ABHD6: variants seen among roughly 807,000 people sequenced by gnomAD.
ABHD6 encodes monoacylglycerol lipase ABHD6.
Under a neutral mutation model 38.8 loss-of-function variants are expected in ABHD6, and 33 were observed. The observed-to-expected ratio is 0.85, with a 90% CI of 0.64 to 1.14. ABHD6 has a LOEUF of 1.14. ABHD6 is among the 50% of genes most tolerant of loss of function. The pLI is 0.00. For missense variants in ABHD6, 380 were observed against 422.6 expected, an observed-to-expected ratio of 0.90 and a Z score of 0.88; for synonymous variants, 147 against 161.6, an observed-to-expected ratio of 0.91 and a Z score of 0.69.
rs553868380 is a variant in ABHD6 at position 58,247,608 on chromosome 3, G to A, written c.-90-2270G>A. ...GTTTGTTTGTTTTTGAGAGAGTCTC[G>A]CTCTGTCACCCAGGCTGGAGTACAA... On this transcript the variant is annotated intron_variant, in intron 1 of 9. Transcript: ENST00000478253. 4.0e-5 allele frequency among the ~76,000 whole-genome samples: 6 copies of A among 151,864 alleles called. No homozygotes were observed. In the South Asian group the frequency reaches 6.3e-4, roughly 16 times the overall value.
rs2097446906 is a variant in ABHD6 at position 58,273,988 on chromosome 3, A to G, written c.524-670A>G. ...AGTTTTGCCCTCTTGCATACATAGC[A>G]TCAGCTTCTGTGGACTCTCGTGTCG... is the stretch of plus-strand genomic sequence containing the variant. On this transcript the variant is annotated intron_variant, in intron 6 of 9. Transcript: ENST00000478253. This position sits in a 1 kb window ranked among gnomAD's most constrained non-coding sequence, Gnocchi z 4.8. 6.6e-6 allele frequency among the ~76,000 whole-genome samples: 1 copy of G among 152,218 alleles called. No homozygotes were observed. The highest frequency in any genetic ancestry group is 2.4e-5 in the African/African-American group (1 of 41,460).
intron 1 of ABHD6, among the ~76,000 whole-genome samples, chr3:58,247,747 G>GT: frequency 6.6e-6 from 1 of 152,242 alleles, no homozygotes; most frequent in East Asian, 1.9e-4. Context: ...GCTAATTTTT[G>GT]TATTTTTAGT....
At chr3:58,280,424 T>C (rs763835773) in intron 7 of ABHD6, among the ~76,000 whole-genome samples, 3 of 152,256 alleles carry the variant, frequency 2.0e-5, no homozygotes, top group Non-Finnish European at 2.9e-5. Context: ...TCTCGTGCCA[T>C]GGTTTTCAGC....
rs1387213739 is a variant in ABHD6 at position 58,267,730 on chromosome 3, C to A, written c.276+385C>A. On this transcript the variant is annotated intron_variant, in intron 4 of 9. Coordinates refer to ENST00000478253, the MANE Select transcript of ABHD6 (RefSeq NM_001320126.2). The surrounding 1 kb of genome is among the most constrained non-coding windows in gnomAD (Gnocchi z 4.3). ...TTCCACTAGGACATGATGTCATCAACAATGGTAGAAAGCAAAGGGAACTCA... is the reference window on the plus strand; with the variant it reads ...TTCCACTAGGACATGATGTCATCAAAAATGGTAGAAAGCAAAGGGAACTCA... 6.6e-6 allele frequency among the ~76,000 whole-genome samples: 1 copy of A among 151,996 alleles called. No individual in the cohort carries two copies. Among genetic ancestry groups the A allele is most frequent in the East Asian group, 1.9e-4 (1 of 5,180 alleles).
chr3:58,269,669 C>A lies in ABHD6; in HGVS notation c.390+235C>A, dbSNP rs1160984998. 6.6e-6 allele frequency among the ~76,000 whole-genome samples: 1 copy of A among 152,240 alleles called. No individual in the cohort carries two copies. The highest frequency in any genetic ancestry group is 2.4e-5 in the African/African-American group (1 of 41,458). On this transcript the variant is annotated intron_variant, in intron 5 of 9. Coordinates refer to ENST00000478253, the MANE Select transcript of ABHD6 (RefSeq NM_001320126.2). This position sits in a 1 kb window ranked among gnomAD's most constrained non-coding sequence, Gnocchi z 4.4. ...GCAGTTGTTTGTAACGAAATACAAT[C>A]TGAGCATTTTCTCAACTCTTTGAAA...
intron 7 of ABHD6, among the ~76,000 whole-genome samples, chr3:58,284,767 TAAGTG>T (rs940730942): frequency 1.3e-5 from 2 of 152,072 alleles, no homozygotes; most frequent in Non-Finnish European, 2.9e-5. Flanking sequence ...GATTATGTCT[TAAGTG>T]AAGCAGAGAA....
intron 1 of ABHD6, among the ~76,000 whole-genome samples, chr3:58,243,819 C>G (rs2097424472): frequency 6.6e-6 from 1 of 151,926 alleles, no homozygotes; most frequent in African/African-American, 2.4e-5. Context: ...TGCCACCACG[C>G]CTGCCTAATT....
chr3:58,272,397 T>A (rs567670853), intron 6 of ABHD6, among the ~76,000 whole-genome samples: 2 of 152,340 alleles, frequency 1.3e-5, no homozygotes, highest in Non-Finnish European at 2.9e-5. Flanking sequence ...TTCCTCTGTA[T>A]GATTCAACTA....
chr3:58,254,558 A>G (rs1381734397), intron 2 of ABHD6, among the ~76,000 whole-genome samples: 2 of 152,200 alleles, frequency 1.3e-5, no homozygotes, highest in African/African-American at 2.4e-5. Context: ...ATTAAGTATC[A>G]GTCGATAGAG....
intron 2 of ABHD6, among the ~76,000 whole-genome samples, chr3:58,254,090 A>T (rs2097431670): frequency 6.6e-6 from 1 of 152,218 alleles, no homozygotes; most frequent in African/African-American, 2.4e-5. Context: ...TGAAAAAAAT[A>T]AAAAATAGAC....
intron 7 of ABHD6, among the ~76,000 whole-genome samples, chr3:58,279,459 T>C (rs2097451289): frequency 6.6e-6 from 1 of 152,134 alleles, no homozygotes; most frequent in African/African-American, 2.4e-5. Context: ...TAGTAGATCT[T>C]CCCCCATCCC....
At position 58,269,251 on chromosome 3, in the gene ABHD6, A is replaced by G. The variant is rs1270807805; in HGVS notation, c.277-70A>G. The G allele has an allele frequency of 1.1e-5, 13 of 1,213,934 alleles. No individual in the cohort carries two copies. Among genetic ancestry groups the G allele is most frequent in the African/African-American group, 4.5e-5 (3 of 67,084 alleles). The allele number at this position is 1,213,934 out of a possible 1,614,324, so 75.2% of individuals were successfully genotyped here. On this transcript the variant is annotated intron_variant, in intron 4 of 9. Coordinates refer to ENST00000478253, the MANE Select transcript of ABHD6 (RefSeq NM_001320126.2). This position sits in a 1 kb window ranked among gnomAD's most constrained non-coding sequence, Gnocchi z 4.4. ...TGTCTGGGTCACTGTACATGGGGCA[A>G]CCTCCCAAGAAAATGGGCAGACATG...
chr3:58,281,840 G>T (rs768481603), intron 7 of ABHD6, among the ~76,000 whole-genome samples: 63 of 152,306 alleles, frequency 4.1e-4, no homozygotes, highest in Non-Finnish European at 7.1e-4. Context: ...CTCAGGCCGG[G>T]TGCGGTGGTT....
chr3:58,257,079 T>C lies in ABHD6; in HGVS notation c.119+374T>C, dbSNP rs2097433897. On this transcript the variant is annotated intron_variant, in intron 3 of 9. Transcript: ENST00000478253. This position sits in a 1 kb window ranked among gnomAD's most constrained non-coding sequence, Gnocchi z 4.8. The stretch of plus-strand genomic sequence containing the variant: ...GCCACCACGCCCGGCTAATTTTTTT[T>C]GTATTTTTAGTACAGATGGGGTTTC... Among the ~76,000 whole-genome samples the C allele has an allele frequency of 6.6e-6, 1 of 152,122 alleles. No individual in the cohort carries two copies. The highest frequency in any genetic ancestry group is 2.4e-5 in the African/African-American group (1 of 41,430).
intron 9 of ABHD6, among the ~76,000 whole-genome samples, chr3:58,286,571 C>T (rs1575531873): frequency 3.3e-5 from 5 of 151,848 alleles, no homozygotes; most frequent in Admixed American, 3.3e-4. Flanking sequence ...TAACTGTGAC[C>T]TTATAGTATA....
chr3:58,253,760 T>C (rs900655807), intron 2 of ABHD6, among the ~76,000 whole-genome samples: 6 of 152,132 alleles, frequency 3.9e-5, no homozygotes, highest in Non-Finnish European at 8.8e-5. Flanking sequence ...ATGATTTCAG[T>C]GTGCTGGGAA....
At chr3:58,279,521 T>G (rs1431982120) in intron 7 of ABHD6, among the ~76,000 whole-genome samples, 1 of 152,190 alleles carries the variant, frequency 6.6e-6, no homozygotes, top group East Asian at 1.9e-4. Flanking sequence ...CTCCTGAATA[T>G]AGCACACTGA....
chr3:58,241,720 A>G (rs1442694691), intron 1 of ABHD6, among the ~76,000 whole-genome samples: 2 of 152,212 alleles, frequency 1.3e-5, no homozygotes, highest in Admixed American at 1.3e-4. Flanking sequence ...AGGCATCTCA[A>G]TAGGCCTGAG....
intron 1 of ABHD6, among the ~76,000 whole-genome samples, chr3:58,243,532 T>C (rs2097424259): frequency 6.6e-6 from 1 of 151,734 alleles, no homozygotes; most frequent in African/African-American, 2.4e-5. Flanking sequence ...GGACGTCTTA[T>C]AGGTAGAGAG....
Sources: allele counts gnomAD v4.1 joint callset (sites outside exome capture counted in the v4.1 genomes callset), GRCh38; gene constraint gnomAD v4.1.1; non-coding constraint Gnocchi (gnomAD v3.1); transcripts MANE v1.5; gene names NCBI Gene and HGNC (gene_info 2026-07-23, HGNC 2026-07-21).